Variants in FAAH2 observed in about 807,000 individuals in gnomAD.
The protein encoded by FAAH2 is fatty acid amide hydrolase 2, also known as fatty-acid amide hydrolase 2.
FAAH2 carries 60 observed loss-of-function variants against 36.9 expected under a neutral mutation model. The ratio of observed to expected loss-of-function variants is 1.63; its 90% CI spans 1.32 to 2.02. FAAH2 has a LOEUF of 2.02. FAAH2 is among the 30% of genes most tolerant of loss of function. The pLI, the probability that FAAH2 is intolerant of heterozygous loss-of-function variation, is 0.00. For missense variants in FAAH2, 689 were observed against 397.5 expected, an observed-to-expected ratio of 1.73 and a Z score of -6.23; for synonymous variants, 214 against 143.8, an observed-to-expected ratio of 1.49 and a Z score of -3.49.
intron 7 of FAAH2, chrX:57,395,208 A>G: frequency 3.7e-6 from 2 of 545,193 alleles, no homozygotes; most frequent in African/African-American, 2.3e-5. Context: ...ACTTAATGTC[A>G]GTGGCTTTCA....
chrX:57,488,942 C>A lies in FAAH2; in HGVS notation c.*10C>A. 8.3e-7 allele frequency: 1 copy of A among 1,206,313 alleles called. No individual in the cohort carries two copies. The highest frequency in any genetic ancestry group is 1.1e-6 in the Non-Finnish European group (1 of 893,241). On this transcript the variant is annotated 3_prime_UTR_variant, in exon 11 of 11. Coordinates refer to ENST00000374900, the MANE Select transcript of FAAH2 (RefSeq NM_174912.4). Reference sequence around the variant, plus strand: ...TCCAGGAAAGTTTTAGGAGGACCTTCTGCAAGGTTAATGTGTGTGTGTGTT... The same window carrying A: ...TCCAGGAAAGTTTTAGGAGGACCTTATGCAAGGTTAATGTGTGTGTGTGTT...
At chrX:57,280,650 C>CAA in the FAAH2 span, among the ~76,000 whole-genome samples, 6 of 86,001 alleles carry the variant, frequency 7.0e-5, no homozygotes, top group Non-Finnish European at 9.6e-5. Flanking sequence ...TTGGAAGCTT[C>CAA]AAAAAAAAAA....
intron 4 of FAAH2, among the ~76,000 whole-genome samples, chrX:57,334,845 G>A (rs988770506): frequency 7.2e-5 from 8 of 111,355 alleles, no homozygotes; most frequent in Non-Finnish European, 1.1e-4. Context: ...GGCAAGAGAG[G>A]AGAATAAATG....
chrX:57,141,953 C>T, the FAAH2 span, among the ~76,000 whole-genome samples: 2 of 109,812 alleles, frequency 1.8e-5, no homozygotes, highest in African/African-American at 6.6e-5. Flanking sequence ...CTCCCCTTGC[C>T]CCCCACACCC....
chrX:57,205,461 C>G, the FAAH2 span, among the ~76,000 whole-genome samples: 1 of 112,318 alleles, frequency 8.9e-6, no homozygotes, highest in African/African-American at 3.2e-5. Context: ...ATAAAGTCAT[C>G]AGTTGTTCAT....
chrX:57,304,895 G>A (rs2052477470), intron 2 of FAAH2, among the ~76,000 whole-genome samples: 1 of 111,618 alleles, frequency 9.0e-6, no homozygotes, highest in Admixed American at 9.5e-5. Flanking sequence ...ACATAAAATA[G>A]ACTCAGTATA....
chrX:57,476,255 G>A (rs894334612), intron 10 of FAAH2, among the ~76,000 whole-genome samples: 28 of 110,965 alleles, frequency 2.5e-4, no homozygotes, highest in Admixed American at 2.3e-3. Context: ...TGGTGAGAGA[G>A]GGCATCCTTG....
the FAAH2 span, among the ~76,000 whole-genome samples, chrX:57,222,266 CTA>C: frequency 3.6e-5 from 4 of 111,757 alleles, no homozygotes; most frequent in African/African-American, 1.3e-4. Context: ...AAGGCCCTCT[CTA>C]TGTGCCATTA....
the FAAH2 span, among the ~76,000 whole-genome samples, chrX:57,133,016 A>G: frequency 9.0e-6 from 1 of 111,495 alleles, no homozygotes; most frequent in East Asian, 2.8e-4. Context: ...TTCCCCAGAC[A>G]GCTACAGGGT....
intron 10 of FAAH2, among the ~76,000 whole-genome samples, chrX:57,487,873 C>A (rs2057503875): frequency 9.0e-6 from 1 of 111,178 alleles, no homozygotes; most frequent in South Asian, 3.7e-4. Flanking sequence ...TTAGTAATAG[C>A]CAAAAGTATT....
chrX:57,378,860 G>A, intron 6 of FAAH2, 74 bp downstream of exon 6: 1 of 1,110,474 alleles, frequency 9.0e-7, no homozygotes, highest in Non-Finnish European at 1.2e-6. Flanking sequence ...TAGTGTCATA[G>A]AGGTAGACTT....
At chrX:57,352,099 T>C (rs199977306) in intron 5 of FAAH2, among the ~76,000 whole-genome samples, 8 of 14,741 alleles carry the variant, frequency 5.4e-4, no homozygotes, top group African/African-American at 6.1e-4. Flanking sequence ...TATGCACATA[T>C]ATATATATGT....
intron 7 of FAAH2, among the ~76,000 whole-genome samples, chrX:57,430,153 C>A (rs2056260885): frequency 9.0e-6 from 1 of 111,437 alleles, no homozygotes; most frequent in South Asian, 3.8e-4. Context: ...ATCCATGTAA[C>A]AAAACTACTT....
chrX:57,288,826 C>A (rs1409997785), intron 1 of FAAH2, among the ~76,000 whole-genome samples: 1 of 111,097 alleles, frequency 9.0e-6, no homozygotes, highest in Non-Finnish European at 1.9e-5. Context: ...ACTATTATTA[C>A]TATCATCAAG....
At chrX:57,225,576 A>C in the FAAH2 span, among the ~76,000 whole-genome samples, 1 of 111,530 alleles carries the variant, frequency 9.0e-6, no homozygotes, top group East Asian at 2.8e-4. Flanking sequence ...TCTATCTTGG[A>C]GAAGTTCCAT....
intron 10 of FAAH2, among the ~76,000 whole-genome samples, chrX:57,478,041 C>A (rs1285830932): frequency 8.9e-6 from 1 of 111,907 alleles, no homozygotes; most frequent in Non-Finnish European, 1.9e-5. Context: ...ATTTCTAGTT[C>A]TAGATCCATG....
chrX:57,213,823 G>A, the FAAH2 span, among the ~76,000 whole-genome samples: 1 of 111,767 alleles, frequency 8.9e-6, no homozygotes, highest in Non-Finnish European at 1.9e-5. Flanking sequence ...AGAATTGTCT[G>A]TAGATGTCTG....
the FAAH2 span, among the ~76,000 whole-genome samples, chrX:57,189,807 G>A: frequency 8.9e-6 from 1 of 111,942 alleles, no homozygotes; most frequent in African/African-American, 3.2e-5. Context: ...GAGCTCTCTT[G>A]TATGAGGTGT....
At chrX:57,485,827 G>A (rs1024578065) in intron 10 of FAAH2, among the ~76,000 whole-genome samples, 1 of 111,866 alleles carries the variant, frequency 8.9e-6, no homozygotes, top group African/African-American at 3.2e-5. Flanking sequence ...GTGCCTATGT[G>A]TTTGGGTACA....
Sources: allele counts gnomAD v4.1 joint callset (sites outside exome capture counted in the v4.1 genomes callset), GRCh38; gene constraint gnomAD v4.1.1; transcripts MANE v1.5; gene names NCBI Gene and HGNC (gene_info 2026-07-23, HGNC 2026-07-21).